Variants in FGF14 observed in about 807,000 individuals in gnomAD.
The protein encoded by FGF14 is fibroblast growth factor homologous factor 4.
A neutral mutation model predicts 25.5 loss-of-function variants in FGF14; 5 were observed. That is an observed-to-expected ratio of 0.20 (90% CI 0.10 to 0.41). FGF14 has a LOEUF of 0.41. Ranked by LOEUF, FGF14 falls within the 10% of genes least tolerant of loss-of-function variation. The pLI is 1.00. For missense variants in FGF14, 222 were observed against 320.1 expected, an observed-to-expected ratio of 0.69 and a Z score of 2.34; for synonymous variants, 138 against 118.3, an observed-to-expected ratio of 1.17 and a Z score of -1.08.
At chr13:101,950,896 C>T (rs2036128157) in intron 1 of FGF14, among the ~76,000 whole-genome samples, 1 of 151,778 alleles carries the variant, frequency 6.6e-6, no homozygotes. Flanking sequence ...TTACTTTTTC[C>T]TGAAATGCTT....
chr13:101,756,900 G>C (rs1160122762), intron 3 of FGF14, among the ~76,000 whole-genome samples: 1 of 152,124 alleles, frequency 6.6e-6, no homozygotes, highest in Non-Finnish European at 1.5e-5. Flanking sequence ...AATTAAGTTA[G>C]TATAAAAAGT....
At chr13:102,069,483 A>G (rs1239351992) in intron 1 of FGF14, among the ~76,000 whole-genome samples, 1 of 152,126 alleles carries the variant, frequency 6.6e-6, no homozygotes, top group Non-Finnish European at 1.5e-5. Flanking sequence ...TTTGCAATAA[A>G]TCTTGCTACT....
chr13:102,340,265 G>A (rs1162745923), intron 1 of FGF14, among the ~76,000 whole-genome samples: 1 of 152,154 alleles, frequency 6.6e-6, no homozygotes, highest in African/African-American at 2.4e-5. Flanking sequence ...ATCCCTTAGA[G>A]GGGAGCCATG....
intron 3 of FGF14, among the ~76,000 whole-genome samples, chr13:101,740,684 T>C (rs2036493263): frequency 6.6e-6 from 1 of 152,148 alleles, no homozygotes; most frequent in Non-Finnish European, 1.5e-5. Context: ...AGCGTAAGAG[T>C]ATAACATAAG....
chr13:101,919,691 G>C (rs1173520145), upstream of FGF14, among the ~76,000 whole-genome samples: 1 of 152,076 alleles, frequency 6.6e-6, no homozygotes, highest in Non-Finnish European at 1.5e-5. Context: ...ATGGAGAAAA[G>C]CGCTGGCTGT....
At chr13:102,247,139 A>T (rs1487868006) in intron 1 of FGF14, among the ~76,000 whole-genome samples, 1 of 152,176 alleles carries the variant, frequency 6.6e-6, no homozygotes, top group Non-Finnish European at 1.5e-5. Flanking sequence ...ACCCTGGAAG[A>T]CAACCTAGGC....
At chr13:101,791,266 G>T (rs1428513630) in intron 3 of FGF14, among the ~76,000 whole-genome samples, 1 of 152,058 alleles carries the variant, frequency 6.6e-6, no homozygotes, top group Admixed American at 6.6e-5. Flanking sequence ...TGCTGTAACC[G>T]GCATGAAATA....
chr13:102,252,064 A>G (rs745977186), intron 1 of FGF14, among the ~76,000 whole-genome samples: 5 of 152,196 alleles, frequency 3.3e-5, no homozygotes, highest in Admixed American at 2.0e-4. Flanking sequence ...CGATGCGGCT[A>G]ATCTAATCTA....
intron 1 of FGF14, among the ~76,000 whole-genome samples, chr13:101,914,324 T>C (rs2033254690): frequency 6.6e-6 from 1 of 151,702 alleles, no homozygotes; most frequent in African/African-American, 2.4e-5. Flanking sequence ...TTAATCCTTT[T>C]CTGATACTCA....
At chr13:102,150,786 T>G (rs1162327945) in intron 1 of FGF14, among the ~76,000 whole-genome samples, 2 of 152,180 alleles carry the variant, frequency 1.3e-5, no homozygotes, top group African/African-American at 2.4e-5. Context: ...TTTTTGGTTG[T>G]CAGCTAAGGG....
intron 3 of FGF14, chr13:101,779,138 A>C (rs1472828447): frequency 6.6e-6 from 1 of 152,216 alleles, no homozygotes; most frequent in East Asian, 1.9e-4. Context: ...TATATCACTT[A>C]ATGAAATAAG....
chr13:101,776,824 C>A (rs908216059), intron 3 of FGF14, among the ~76,000 whole-genome samples: 1 of 152,194 alleles, frequency 6.6e-6, no homozygotes. Context: ...TCTCACAGTT[C>A]TGGAGGCTGG....
At chr13:102,275,264 C>CTCTCTT (rs1465777263) in intron 1 of FGF14, among the ~76,000 whole-genome samples, 37 of 142,180 alleles carry the variant, frequency 2.6e-4, no homozygotes, top group Non-Finnish European at 8.0e-5. Context: ...CTCTCTCTTT[C>CTCTCTT]TCTCTCTCTC....
intron 1 of FGF14, among the ~76,000 whole-genome samples, chr13:102,198,058 G>C (rs2049443685): frequency 6.6e-6 from 1 of 152,118 alleles, no homozygotes. Flanking sequence ...TCCTCTCCCA[G>C]CTTTATCCTT....
At chr13:102,126,379 G>A (rs563461547) in intron 1 of FGF14, among the ~76,000 whole-genome samples, 3 of 152,262 alleles carry the variant, frequency 2.0e-5, no homozygotes, top group East Asian at 1.9e-4. Flanking sequence ...GTTCATTCAT[G>A]TTGTAGAACT....
At chr13:101,780,454 C>A (rs2039420521) in intron 3 of FGF14, among the ~76,000 whole-genome samples, 1 of 152,134 alleles carries the variant, frequency 6.6e-6, no homozygotes, top group Non-Finnish European at 1.5e-5. Context: ...AATGAAGTCA[C>A]TATGCCAATG....
intron 3 of FGF14, among the ~76,000 whole-genome samples, chr13:101,833,523 T>C (rs1045102870): frequency 2.0e-5 from 3 of 152,054 alleles, no homozygotes; most frequent in Non-Finnish European, 4.4e-5. Flanking sequence ...AACTAGACAA[T>C]GAGAAGACAA....
chr13:101,801,573 A>G (rs191929996), intron 3 of FGF14, among the ~76,000 whole-genome samples: 2 of 152,292 alleles, frequency 1.3e-5, no homozygotes, highest in East Asian at 3.9e-4. Context: ...CTGAGATTTG[A>G]GGGTTTTCAG....
chr13:102,295,273 T>C (rs2054642416), intron 1 of FGF14, among the ~76,000 whole-genome samples: 1 of 152,170 alleles, frequency 6.6e-6, no homozygotes, highest in Admixed American at 6.6e-5. Flanking sequence ...CAACCGTATC[T>C]ACAAATTCAC....
Sources: allele counts gnomAD v4.1 joint callset (sites outside exome capture counted in the v4.1 genomes callset), GRCh38; gene constraint gnomAD v4.1.1; transcripts MANE v1.5; gene names NCBI Gene and HGNC (gene_info 2026-07-23, HGNC 2026-07-21).